The following ENTREP2 variants were observed in gnomAD, a reference collection of about 807,000 sequenced individuals.
The protein encoded by ENTREP2 is protein ENTREP2.
the ENTREP2 span, among the ~76,000 whole-genome samples, chr15:29,271,493 A>G: frequency 6.6e-6 from 1 of 152,266 alleles, no homozygotes; most frequent in African/African-American, 2.4e-5. Context: ...CGCCAGGCCC[A>G]AAACCAGGCC....
the ENTREP2 span, among the ~76,000 whole-genome samples, chr15:29,631,031 G>A: frequency 1.2e-4 from 18 of 152,094 alleles, no homozygotes; most frequent in South Asian, 4.1e-4. Context: ...TTTATTCTCC[G>A]TCATCTCTAA....
chr15:29,367,857 G>A, the ENTREP2 span, among the ~76,000 whole-genome samples: 2 of 151,078 alleles, frequency 1.3e-5, no homozygotes, highest in Non-Finnish European at 2.9e-5. Flanking sequence ...AATTCATTCA[G>A]AAAAGTCATC....
the ENTREP2 span, among the ~76,000 whole-genome samples, chr15:29,254,547 CAT>C: frequency 4.6e-5 from 7 of 151,938 alleles, no homozygotes; most frequent in East Asian, 3.9e-4. Context: ...GTCTTTGACA[CAT>C]GTCTATTTTT....
chr15:29,580,518 A>G, the ENTREP2 span, among the ~76,000 whole-genome samples: 1 of 152,216 alleles, frequency 6.6e-6, no homozygotes, highest in Non-Finnish European at 1.5e-5. Context: ...TCCCTGGCCT[A>G]TAGCGGCAGA....
the ENTREP2 span, among the ~76,000 whole-genome samples, chr15:29,583,533 T>G: frequency 6.6e-6 from 1 of 152,150 alleles, no homozygotes; most frequent in Non-Finnish European, 1.5e-5. Flanking sequence ...AGCTAATACA[T>G]GCTGGGCTTA....
chr15:29,262,885 CTGAAT>C, the ENTREP2 span, among the ~76,000 whole-genome samples: 2 of 152,174 alleles, frequency 1.3e-5, no homozygotes, highest in African/African-American at 4.8e-5. Context: ...AGTGTTGGAA[CTGAAT>C]TGGAGGACAC....
the ENTREP2 span, among the ~76,000 whole-genome samples, chr15:29,372,568 C>T: frequency 6.6e-6 from 1 of 152,080 alleles, no homozygotes; most frequent in Non-Finnish European, 1.5e-5. Flanking sequence ...ATCCCCATCT[C>T]TAAATATTAT....
the ENTREP2 span, among the ~76,000 whole-genome samples, chr15:29,159,422 C>T: frequency 6.6e-6 from 1 of 152,102 alleles, no homozygotes; most frequent in African/African-American, 2.4e-5. Flanking sequence ...ACAAAGCTTC[C>T]ACAGCATAGA....
chr15:29,646,622 C>T, the ENTREP2 span, among the ~76,000 whole-genome samples: 1 of 152,152 alleles, frequency 6.6e-6, no homozygotes, highest in Non-Finnish European at 1.5e-5. Flanking sequence ...ATTAGGCTCA[C>T]ACAGATAATC....
the ENTREP2 span, among the ~76,000 whole-genome samples, chr15:29,457,060 C>T: frequency 7.2e-5 from 11 of 152,296 alleles, no homozygotes; most frequent in East Asian, 3.9e-4. Context: ...GTTCTTGACA[C>T]GGTTCTGTGA....
At chr15:29,209,574 C>G in the ENTREP2 span, among the ~76,000 whole-genome samples, 1 of 152,100 alleles carries the variant, frequency 6.6e-6, no homozygotes, top group Non-Finnish European at 1.5e-5. Context: ...ACTGAGTGGA[C>G]CTCAAGGCCT....
At chr15:29,526,537 C>T in the ENTREP2 span, among the ~76,000 whole-genome samples, 6 of 152,112 alleles carry the variant, frequency 3.9e-5, no homozygotes, top group African/African-American at 1.4e-4. Context: ...GATCATAGCT[C>T]ACTGCAGCCT....
chr15:29,231,159 C>T, the ENTREP2 span, among the ~76,000 whole-genome samples: 3 of 152,166 alleles, frequency 2.0e-5, no homozygotes, highest in South Asian at 2.1e-4. Context: ...TAATTAGATA[C>T]ATTTTCCACC....
At chr15:29,258,238 G>GAAAAAAAA in the ENTREP2 span, among the ~76,000 whole-genome samples, 1 of 143,564 alleles carries the variant, frequency 7.0e-6, no homozygotes, top group Non-Finnish European at 1.5e-5. Flanking sequence ...AAAAAAGAAA[G>GAAAAAAAA]AAAGAAAAAA....
chr15:29,551,645 G>T, the ENTREP2 span, among the ~76,000 whole-genome samples: 3 of 151,586 alleles, frequency 2.0e-5, no homozygotes, highest in Non-Finnish European at 2.9e-5. Flanking sequence ...GACAATGATG[G>T]GACTACTTCA....
the ENTREP2 span, among the ~76,000 whole-genome samples, chr15:29,256,666 T>C: frequency 6.6e-6 from 1 of 152,206 alleles, no homozygotes; most frequent in African/African-American, 2.4e-5. Context: ...GGAACCCAGG[T>C]TCATTCCTTT....
the ENTREP2 span, among the ~76,000 whole-genome samples, chr15:29,669,736 G>A: frequency 2.0e-5 from 3 of 152,076 alleles, no homozygotes; most frequent in Non-Finnish European, 2.9e-5. Flanking sequence ...GTTTTCCAGC[G>A]GCTCCCTTAA....
the ENTREP2 span, chr15:29,614,374 A>C: frequency 6.5e-6 from 1 of 152,712 alleles, no homozygotes. Context: ...CAATTCCTTC[A>C]GCCTTCTTCC....
the ENTREP2 span, among the ~76,000 whole-genome samples, chr15:29,544,918 G>A: frequency 1.5e-3 from 231 of 152,318 alleles, no homozygotes; most frequent in Non-Finnish European, 2.6e-3. Context: ...CTAGTGACAC[G>A]TATCTGCATG....
Sources: allele counts gnomAD v4.1 joint callset (sites outside exome capture counted in the v4.1 genomes callset), GRCh38; gene constraint gnomAD v4.1.1; transcripts MANE v1.5; gene names NCBI Gene and HGNC (gene_info 2026-07-23, HGNC 2026-07-21).